The following PCDHGA10 variants were observed in gnomAD, a reference collection of about 807,000 sequenced individuals.
PCDHGA10 encodes protocadherin gamma subfamily A, 10.
In PCDHGA10, 42 loss-of-function variants were observed where a neutral mutation model predicts 59.5. The ratio of observed to expected loss-of-function variants is 0.71; its 90% confidence interval spans 0.55 to 0.91. The LOEUF (loss-of-function observed/expected upper bound fraction) is 0.91, where lower values mean the gene tolerates loss of function less well. Ranked by LOEUF, PCDHGA10 falls within the 40% of genes least tolerant of loss-of-function variation. The pLI, the probability that PCDHGA10 is intolerant of heterozygous loss-of-function variation, is 0.00. For synonymous variants in PCDHGA10, 511 were observed against 517.2 expected (o/e 0.99, Z 0.16); for missense variants, 1,111 against 1,198.2 (o/e 0.93, Z 1.07).
At chr5:141,496,888 T>TAA (rs35063790) in intron 2 of PCDHGA10, among the ~76,000 whole-genome samples, 141 of 134,106 alleles carry the variant, frequency 1.1e-3, no homozygotes, top group East Asian at 2.4e-3. Context: ...AAGTAACACT[T>TAA]AAAAAAAAAA....
intron 1 of PCDHGA10, among the ~76,000 whole-genome samples, chr5:141,470,600 G>A (rs890975756): frequency 4.6e-5 from 7 of 152,142 alleles, no homozygotes; most frequent in South Asian, 2.1e-4. Context: ...CGACCTGTGC[G>A]GGGACACAGG....
At chr5:141,417,932 T>A (rs1398348549) in intron 1 of PCDHGA10, 2 of 1,611,670 alleles carry the variant, frequency 1.2e-6, no homozygotes, top group East Asian at 4.5e-5. Flanking sequence ...GCTGCCTTTG[T>A]TCTACCCCAC....
At position 141,489,852 on chromosome 5, in the gene PCDHGA10, C is replaced by G. The variant is rs1197191101; in HGVS notation, c.2437-4955C>G. ...TAGAGCAGCAGCTGGATCGTGAAGC[C>G]CAGGCAAGACATCAGCTGGTGCTTA... On this transcript the variant is annotated intron_variant, in intron 1 of 3. Transcript: ENST00000398610. This position sits in a 1 kb window ranked among gnomAD's most constrained non-coding sequence, Gnocchi z 4.5. The G allele has an allele frequency of 6.2e-7, 1 of 1,614,034 alleles. No homozygotes were observed. Among genetic ancestry groups the G allele is most frequent in the Admixed American group, 1.7e-5 (1 of 60,004 alleles).
chr5:141,425,371 G>T (rs1396857898), intron 1 of PCDHGA10, among the ~76,000 whole-genome samples: 3 of 152,186 alleles, frequency 2.0e-5, no homozygotes, highest in African/African-American at 7.2e-5. Context: ...AGAGGGTTAT[G>T]TTGATTCGGA....
Position 141,414,298 on chromosome 5 carries a change from G to A in PCDHGA10, c.1123G>A (p.Val375Met), listed in dbSNP as rs200349573. ...GGGAACAGTCGTAGCCCTTTTAAAT[G>A]TGCATGATTTAGACTCTGAGCAGAA... ...PLGTVVALLN[V>M]HDLDSEQNGQ... Residue 375 changes from valine to methionine, a missense_variant, in exon 1 of 4, where the codon GTG becomes ATG. By Grantham distance (21) the Val-to-Met change is conservative. Transcript: ENST00000398610. The A allele has an allele frequency of 1.9e-5, 30 of 1,613,626 alleles. No homozygotes were observed. In the East Asian group the frequency reaches 6.7e-4, roughly 36 times the overall value.
chr5:141,422,549 TGAA>T (rs1554114956), intron 1 of PCDHGA10: 8 of 1,614,026 alleles, frequency 5.0e-6, no homozygotes, highest in Non-Finnish European at 6.8e-6. Flanking sequence ...CATGTCTGGC[TGAA>T]TGTGGCAGAT....
intron 1 of PCDHGA10, among the ~76,000 whole-genome samples, 197 bp from the exon 2 acceptor site, chr5:141,494,610 T>C (rs1428159953): frequency 6.6e-6 from 1 of 152,152 alleles, no homozygotes; most frequent in Non-Finnish European, 1.5e-5. Flanking sequence ...GATTTATCTC[T>C]TGGTTTCTGG....
intron 1 of PCDHGA10, chr5:141,468,401 C>G (rs943048252): frequency 6.7e-6 from 1 of 149,126 alleles, no homozygotes; most frequent in Non-Finnish European, 1.5e-5. Flanking sequence ...TTGGTGAGAA[C>G]TAATAATAAG....
chr5:141,473,626 G>A lies in PCDHGA10; in HGVS notation c.2437-21181G>A, dbSNP rs149882847. ...GCAAAGCAAAGGGAGGGAGGAAAAA[G>A]CAGCTTTCCTGGCAAAGGAACAATT... On this transcript the variant is annotated intron_variant, in intron 1 of 3. Transcript: ENST00000398610. Among the ~76,000 whole-genome samples, 1,234 of 152,276 alleles carry A rather than the reference G, an allele frequency of 8.1e-3. 14 individuals are homozygous for A. Among genetic ancestry groups the A allele is most frequent in the Non-Finnish European group, 0.011 (715 of 68,020 alleles).
In PCDHGA10 at chr5:141,432,129, A is replaced by T. The variant is rs758099753; in HGVS notation, c.2436+16518A>T. The T allele has an allele frequency of 6.2e-6, 10 of 1,614,054 alleles. No individual in the cohort carries two copies. In the South Asian group the frequency reaches 8.8e-5, roughly 14 times the overall value. On this transcript the variant is annotated intron_variant, in intron 1 of 3. Transcript: ENST00000398610. This position sits in a 1 kb window ranked among gnomAD's most constrained non-coding sequence, Gnocchi z 6.0. ...CCGCCGGTCTTCCCTCAGGCCTCCTATTCCGCTTATATCCCAGAGAACAAT... is the reference window on the plus strand; with the variant it reads ...CCGCCGGTCTTCCCTCAGGCCTCCTTTTCCGCTTATATCCCAGAGAACAAT...
rs1405825615 is a variant in PCDHGA10, at chr5:141,413,712, T to A, written c.537T>A (p.Asn179Lys). 9.9e-6 allele frequency: 16 copies of A among 1,613,454 alleles called. No individual in the cohort carries two copies. Among genetic ancestry groups the A allele is most frequent in the Middle Eastern group, 3.3e-4 (2 of 6,084 alleles). ...NSLQSYQLSP[N>K]KHFSLRVQSR... is the part of the protein sequence containing the mutation. Reference sequence around the variant, plus strand: ...TGCAGAGCTATCAGCTCAGCCCCAATAAGCACTTCTCCCTAAGAGTTCAGA... The same window carrying A: ...TGCAGAGCTATCAGCTCAGCCCCAAAAAGCACTTCTCCCTAAGAGTTCAGA... The change falls in exon 1 of 4, where the codon AAT (asparagine) becomes AAA (lysine). Residue 179 changes from asparagine to lysine, a missense_variant. Asn to Lys is a moderately conservative substitution (Grantham distance 94). Coordinates refer to ENST00000398610, the MANE Select transcript of PCDHGA10 (RefSeq NM_018913.3).
chr5:141,415,182 C>A lies in PCDHGA10; in HGVS notation c.2007C>A (p.Ala669=), dbSNP rs2095840318. 6.2e-7 allele frequency: 1 copy of A among 1,613,842 alleles called. No individual in the cohort carries two copies. Among genetic ancestry groups the A allele is most frequent in the Admixed American group, 1.7e-5 (1 of 60,016 alleles). The change falls in exon 1 of 4, where the codon GCC becomes GCA. Residue 669 remains alanine (A), a synonymous_variant. Transcript: ENST00000398610. ...CTGTCACGCTCACCGTGGCCGTGGC[C>A]GACAGCATCCCCCAAGTCCTGGCGG... ...SATVTLTVAV[A]DSIPQVLADL...
chr5:141,423,268 T>G (rs752667215), intron 1 of PCDHGA10: 1 of 1,613,552 alleles, frequency 6.2e-7, no homozygotes, highest in South Asian at 1.1e-5. Flanking sequence ...CAGCCTCGAG[T>G]CTCTGGCTAA....
At chr5:141,474,143 T>C (rs933805562) in intron 1 of PCDHGA10, among the ~76,000 whole-genome samples, 5 of 152,188 alleles carry the variant, frequency 3.3e-5, no homozygotes, top group Non-Finnish European at 5.9e-5. Flanking sequence ...CAGGCCTTAT[T>C]ATCAAGAAAA....
chr5:141,471,006 T>A (rs560578929), intron 1 of PCDHGA10, among the ~76,000 whole-genome samples: 57 of 150,804 alleles, frequency 3.8e-4, no homozygotes, highest in African/African-American at 1.3e-3. Context: ...CATGAGCCAC[T>A]GTGCCTGGTC....
chr5:141,508,777 AG>A (rs1428861784), intron 3 of PCDHGA10, among the ~76,000 whole-genome samples: 3 of 150,778 alleles, frequency 2.0e-5, no homozygotes, highest in Non-Finnish European at 4.4e-5. Context: ...TCCCCCCTCT[AG>A]CCCCTAAATC....
At chr5:141,509,327 G>A (rs2099876237) in intron 3 of PCDHGA10, among the ~76,000 whole-genome samples, 1 of 152,188 alleles carries the variant, frequency 6.6e-6, no homozygotes, top group African/African-American at 2.4e-5. Flanking sequence ...AAGCTCTACT[G>A]CCAGCTGGGC....
rs1017858929 is a variant in PCDHGA10, at chr5:141,414,950, T to C, written c.1775T>C (p.Val592Ala). The C allele has an allele frequency of 1.2e-6, 2 of 1,613,912 alleles. No homozygotes were observed. The highest frequency in any genetic ancestry group is 2.7e-5 in the African/African-American group (2 of 74,930). Residue 592 changes from valine to alanine, a missense_variant, in exon 1 of 4, where the codon GTG (valine) becomes GCG (alanine). Val to Ala is a moderately conservative substitution (Grantham distance 64, BLOSUM62 0). Transcript: ENST00000398610. The part of the protein sequence containing the change: ...APRSAEPGYL[V>A]TKVVAVDRDS... ...CGCTCCGCAGAGCCCGGCTACCTGG[T>C]GACCAAGGTGGTGGCGGTGGACAGA...
At chr5:141,421,238 G>A (rs920128735) in intron 1 of PCDHGA10, 1 of 1,597,540 alleles carries the variant, frequency 6.3e-7, no homozygotes, top group African/African-American at 1.3e-5. Context: ...ATGGCGAATC[G>A]GCTACAGCGC....
Sources: gnomAD v4.1 joint callset for allele counts (sites outside exome capture counted in the v4.1 genomes callset) on GRCh38, gnomAD v4.1.1 for gene constraint, Gnocchi (gnomAD v3.1) non-coding constraint, MANE v1.5 for transcripts, NCBI Gene and HGNC (gene_info 2026-07-23, HGNC 2026-07-21) for gene names.